MLXIP: variants seen among roughly 807,000 people sequenced by gnomAD.
The protein encoded by MLXIP is MLX interacting protein.
In MLXIP, 30 loss-of-function variants were observed where a neutral mutation model predicts 87.2. The observed-to-expected ratio is 0.34, with a 90% CI of 0.26 to 0.47. The LOEUF (loss-of-function observed/expected upper bound fraction) is 0.47. Among genes scored for constraint, MLXIP ranks in the 20% least tolerant of loss-of-function variants. MLXIP has a pLI of 1.00. For synonymous variants in MLXIP, 530 were observed against 514.0 expected (o/e 1.03, Z -0.42); for missense variants, 1,002 against 1,240.1 (o/e 0.81, Z 2.88).
intron 1 of MLXIP, among the ~76,000 whole-genome samples, chr12:122,084,574 T>A (rs917457603): frequency 1.3e-5 from 2 of 152,144 alleles, no homozygotes; most frequent in Admixed American, 6.5e-5. Context: ...GAGACGGAGT[T>A]TCGCTCTTGT....
chr12:122,090,145 A>G (rs530734949), intron 1 of MLXIP, among the ~76,000 whole-genome samples: 1 of 152,338 alleles, frequency 6.6e-6, no homozygotes, highest in African/African-American at 2.4e-5. Context: ...AAAAGAAACA[A>G]ATTACCAGTA....
chr12:122,089,026 A>T (rs914076171), intron 1 of MLXIP, among the ~76,000 whole-genome samples: 3 of 151,558 alleles, frequency 2.0e-5, no homozygotes, highest in Non-Finnish European at 4.4e-5. Context: ...AAAAAAAAAA[A>T]AAAAAATTAG....
chr12:122,135,693 G>A lies in MLXIP; in HGVS notation c.2032+27G>A. The A allele has an allele frequency of 6.8e-7, 1 of 1,462,786 alleles. No homozygotes were observed. Among genetic ancestry groups the A allele is most frequent in the South Asian group, 1.4e-5 (1 of 69,726 alleles). 90.6% of individuals were successfully genotyped at this position (1,462,786 alleles called of 1,614,324 possible). A position where few individuals can be genotyped will look rare whatever the true frequency, so the allele number is the denominator to read the frequency against. On this transcript the variant is annotated intron_variant, in intron 11 of 16. Transcript: ENST00000319080. The surrounding 1 kb of genome is among the most constrained non-coding windows in gnomAD (Gnocchi z 5.3). ...TGAGTGTTCACTCGGCGGGATGGTTGGGGCATCGCAAGGGAAGTAACTGGG... is the reference window on the plus strand; with the variant it reads ...TGAGTGTTCACTCGGCGGGATGGTTAGGGCATCGCAAGGGAAGTAACTGGG...
chr12:122,140,726 C>T (rs745617457), intron 15 of MLXIP: 19 of 645,988 alleles, frequency 2.9e-5, no homozygotes, highest in African/African-American at 5.4e-5. Context: ...CCTGCCTGCT[C>T]GGTGCTTGAG....
rs1274163309 is a variant in MLXIP at position 122,135,272 on chromosome 12, T to C, written c.1781T>C (p.Leu594Pro). ...PQAVIMTSGP[L>P]KREGMLASTV... Reference sequence around the variant, plus strand: ...GCGGTGATCATGACGTCAGGGCCTCTGAAGAGAGAAGGGATGTTGGCCTCC... The same window carrying C: ...GCGGTGATCATGACGTCAGGGCCTCCGAAGAGAGAAGGGATGTTGGCCTCC... The change falls in exon 10 of 17, where the codon CTG (leucine) becomes CCG (proline). Residue 594 changes from leucine to proline, a missense_variant. Physicochemically the swap from Leu to Pro is moderately conservative, Grantham distance 98. Around this residue, in one of 3 missense-constraint regions of MLXIP, gnomAD observed 746 missense variants for 897.0 expected, o/e 0.83. Transcript: ENST00000319080. The surrounding 1 kb of genome is among the most constrained non-coding windows in gnomAD (Gnocchi z 5.3). 1.2e-6 allele frequency: 2 copies of C among 1,613,662 alleles called. No individual in the cohort carries two copies. The highest frequency in any genetic ancestry group is 8.5e-7 in the Non-Finnish European group (1 of 1,179,874).
intron 15 of MLXIP, chr12:122,140,737 C>A: frequency 1.5e-6 from 1 of 689,042 alleles, no homozygotes; most frequent in Non-Finnish European, 2.6e-6. Flanking sequence ...GGTGCTTGAG[C>A]GGCCCTGTTG....
Position 122,078,872 on chromosome 12 carries a change from A to C in MLXIP, c.19A>C (p.Met7Leu). 8.9e-7 allele frequency: 1 copy of C among 1,120,198 alleles called. No homozygotes were observed. Among genetic ancestry groups the C allele is most frequent in the Non-Finnish European group, 1.1e-6 (1 of 914,672 alleles). 69.4% of individuals were successfully genotyped at this position (1,120,198 alleles called of 1,614,324 possible). MAADVF[M>L]CSPRRPRSRG... The stretch of plus-strand genomic sequence containing the variant: ...CCTTCTCATGGCCGCCGACGTCTTC[A>C]TGTGCTCCCCGCGCCGGCCTCGCAG... Residue 7 changes from methionine to leucine, a missense_variant, in exon 1 of 17, where the codon ATG (methionine) becomes CTG (leucine). Physicochemically the swap from Met to Leu is conservative, Grantham distance 15 (BLOSUM62 2). Transcript: ENST00000319080.
In MLXIP at chr12:122,137,302, G is replaced by A. The variant is rs376880165; in HGVS notation, c.2033-167G>A. 61 of 626,832 alleles carry A rather than the reference G, an allele frequency of 9.7e-5. No individual in the cohort carries two copies. The African/African-American group carries it at 1.0e-3, about 10-fold the overall frequency. 38.8% of individuals were successfully genotyped at this position (626,832 alleles called of 1,614,324 possible). The stretch of plus-strand genomic sequence containing the variant: ...GTTGTTATTAATTTAAGATTTTCAG[G>A]GAGTGAATAAGAATAATCTAAGGAA... On this transcript the variant is annotated intron_variant, in intron 11 of 16. Transcript: ENST00000319080. The surrounding 1 kb of genome is among the most constrained non-coding windows in gnomAD (Gnocchi z 4.1).
intron 1 of MLXIP, among the ~76,000 whole-genome samples, chr12:122,114,382 G>C (rs1342072903): frequency 6.6e-6 from 1 of 152,118 alleles, no homozygotes; most frequent in South Asian, 2.1e-4. Flanking sequence ...GCACTGAAAA[G>C]TATTATATTC....
At chr12:122,085,968 T>C (rs1952162967) in intron 1 of MLXIP, among the ~76,000 whole-genome samples, 1 of 152,150 alleles carries the variant, frequency 6.6e-6, no homozygotes, top group African/African-American at 2.4e-5. Flanking sequence ...CTGGATTATC[T>C]GAGTGAGCCT....
chr12:122,094,115 TGTG>T (rs2135912047), intron 1 of MLXIP, among the ~76,000 whole-genome samples: 1 of 129,324 alleles, frequency 7.7e-6, no homozygotes, highest in African/African-American at 2.9e-5. Context: ...TGTGGTGTGT[TGTG>T]TGTGTTGGTA....
intron 1 of MLXIP, among the ~76,000 whole-genome samples, chr12:122,102,890 T>C (rs972384161): frequency 1.3e-5 from 2 of 152,228 alleles, no homozygotes; most frequent in African/African-American, 4.8e-5. Flanking sequence ...AGAAAGTGGA[T>C]CAATAGTTGT....
At chr12:122,085,405 AT>A (rs758637383) in intron 1 of MLXIP, among the ~76,000 whole-genome samples, 488 of 142,692 alleles carry the variant, frequency 3.4e-3, no homozygotes, top group Admixed American at 3.2e-3. Context: ...TCTGTAGTGA[AT>A]TTTTTTTTTT....
At chr12:122,097,464 T>TA (rs1409005170) in intron 1 of MLXIP, among the ~76,000 whole-genome samples, 2 of 151,576 alleles carry the variant, frequency 1.3e-5, no homozygotes, top group East Asian at 3.9e-4. Flanking sequence ...TTACAAAAAC[T>TA]AAAAAATTAG....
chr12:122,079,295 C>A, intron 1 of MLXIP, 29 bp downstream of exon 1: 1 of 1,539,022 alleles, frequency 6.5e-7, no homozygotes. Flanking sequence ...CCCTGAGGCC[C>A]CGGCCGGAGG....
intron 1 of MLXIP, among the ~76,000 whole-genome samples, chr12:122,088,905 C>T (rs1024900797): frequency 6.6e-6 from 1 of 150,654 alleles, no homozygotes; most frequent in Non-Finnish European, 1.5e-5. Flanking sequence ...GGTGCAGTGG[C>T]TCATGTGTGT....
chr12:122,141,081 C>A lies in MLXIP; in HGVS notation c.2636C>A (p.Pro879Gln). Reference protein sequence around the residue: ...DQHCSLPILRPMVLSTLRQLS... With the variant: ...DQHCSLPILRQMVLSTLRQLS... Reference sequence around the variant, plus strand: ...CACTGCTCCCTGCCCATCCTCAGGCCGAGTGAGTGGGGCAGTGCCAGGGTG... The same window carrying A: ...CACTGCTCCCTGCCCATCCTCAGGCAGAGTGAGTGGGGCAGTGCCAGGGTG... Residue 879 changes from proline to glutamine, a missense_variant and splice_region_variant, in exon 16 of 17, where the codon CCG becomes CAG. Coordinates refer to ENST00000319080, the MANE Select transcript of MLXIP (RefSeq NM_014938.6). 6.2e-7 allele frequency: 1 copy of A among 1,608,844 alleles called. No homozygotes were observed. The highest frequency in any genetic ancestry group is 1.7e-5 in the Admixed American group (1 of 59,904).
chr12:122,133,031 A>C lies in MLXIP; in HGVS notation c.1093-317A>C. ...GCAATCCAGGCTGCCTCTGCTCAGT[A>C]ATAGAAGATGGCAGAGACTTTGGGG... is the stretch of plus-strand genomic sequence containing the variant. On this transcript the variant is annotated intron_variant, in intron 8 of 16. Transcript: ENST00000319080. This position sits in a 1 kb window ranked among gnomAD's most constrained non-coding sequence, Gnocchi z 4.9. The C allele has an allele frequency of 6.8e-6, 2 of 292,462 alleles. No individual in the cohort carries two copies. The highest frequency in any genetic ancestry group is 6.4e-6 in the Non-Finnish European group (1 of 157,460). The allele number at this position is 292,462 out of a possible 1,614,324, so 18.1% of individuals were successfully genotyped here. A position where few individuals can be genotyped will look rare whatever the true frequency, so the allele number is the denominator to read the frequency against.
rs1369669933 is a variant in MLXIP, at chr12:122,112,997, CTA to C, written c.414-14257_414-14256del. Among the ~76,000 whole-genome samples, 5 of 152,230 alleles carry C rather than the reference CTA, an allele frequency of 3.3e-5. No homozygotes were observed. In the South Asian group the frequency reaches 1.0e-3, roughly 32 times the overall value. On this transcript the variant is annotated intron_variant, in intron 1 of 16. Coordinates refer to ENST00000319080, the MANE Select transcript of MLXIP (RefSeq NM_014938.6). ...TAAAAAAAGGACTTCTAAATTTTGA[CTA>C]TGTTAATGAAAATTAGTGTTTATCA...
Sources: allele counts gnomAD v4.1 joint callset (sites outside exome capture counted in the v4.1 genomes callset), GRCh38; gene constraint gnomAD v4.1.1; regional missense constraint gnomAD v4.1.1; non-coding constraint Gnocchi (gnomAD v3.1); transcripts MANE v1.5; gene names NCBI Gene and HGNC (gene_info 2026-07-23, HGNC 2026-07-21).